LUZP1: variants seen among roughly 807,000 people sequenced by gnomAD.
LUZP1 encodes filamin mechanobinding actin cross-linking protein.
LUZP1 carries 25 observed loss-of-function variants against 71.3 expected under a neutral mutation model. The ratio of observed to expected loss-of-function variants is 0.35; its 90% CI spans 0.26 to 0.49. The LOEUF is 0.49. LUZP1 is among the 20% of genes least tolerant of loss of function. LUZP1 has a pLI of 0.99. For missense variants in LUZP1, 1,142 were observed against 1,300.8 expected (o/e 0.88, Z 1.88); for synonymous variants, 481 against 506.4 (o/e 0.95, Z 0.67).
intron 2 of LUZP1, among the ~76,000 whole-genome samples, chr1:23,126,376 GGGA>G (rs1644171931): frequency 1.3e-5 from 2 of 152,138 alleles, no homozygotes; most frequent in South Asian, 4.1e-4. Context: ...CCAGTACATT[GGGA>G]GGATAAGGCA....
rs561424035 is a variant in LUZP1 at position 23,163,390 on chromosome 1, A to T, written c.-226+5376T>A. ...AGCAAAACCCTATCTCTACAAAAAA[A>T]AAAAAAATGTTTCTTAATTAGCTGG... On this transcript the variant is annotated intron_variant, in intron 2 of 4. Transcript: ENST00000302291. Among the ~76,000 whole-genome samples, 3 of 151,840 alleles carry T rather than the reference A, an allele frequency of 2.0e-5. No individual in the cohort carries two copies. The South Asian group carries it at 6.3e-4, about 32-fold the overall frequency.
chr1:23,092,556 G>A, exon 4 of LUZP1: 1 of 1,614,212 alleles, frequency 6.2e-7, no homozygotes, highest in Non-Finnish European at 8.5e-7. Flanking sequence ...TCTTCGAGAT[G>A]AGGCCAGGGC....
intron 1 of LUZP1, among the ~76,000 whole-genome samples, chr1:23,170,822 T>C (rs856511): frequency 0.19 from 29,334 of 151,968 alleles, 3,108 homozygotes; most frequent in Middle Eastern, 0.31. Flanking sequence ...TGCTCATGCC[T>C]GCAATCCCAC....
chr1:23,164,570 G>C (rs1012392109), intron 2 of LUZP1, among the ~76,000 whole-genome samples: 3 of 152,004 alleles, frequency 2.0e-5, no homozygotes, highest in Non-Finnish European at 4.4e-5. Flanking sequence ...GGTAGAAATG[G>C]GGCTTCTTCT....
chr1:23,113,422 A>C (rs1270070543), intron 2 of LUZP1, among the ~76,000 whole-genome samples: 2 of 152,090 alleles, frequency 1.3e-5, no homozygotes, highest in Non-Finnish European at 2.9e-5. Flanking sequence ...AAAACAAAAC[A>C]AAAACAAACA....
intron 2 of LUZP1, among the ~76,000 whole-genome samples, chr1:23,142,997 C>A (rs980842523): frequency 6.6e-6 from 1 of 151,796 alleles, no homozygotes; most frequent in African/African-American, 2.4e-5. Flanking sequence ...GGTAAGACTT[C>A]GTCTCTATTT....
chr1:23,155,944 T>C (rs1159103393), intron 2 of LUZP1, among the ~76,000 whole-genome samples: 1 of 152,196 alleles, frequency 6.6e-6, no homozygotes, highest in Non-Finnish European at 1.5e-5. Context: ...AAAATTAACT[T>C]TATCTCAACA....
chr1:23,083,647 GT>G (rs1178609386), downstream of LUZP1: 27 of 200,584 alleles, frequency 1.3e-4, no homozygotes, highest in East Asian at 4.2e-4. Flanking sequence ...TGGGGTTTTT[GT>G]TTTTTTTTTA....
chr1:23,163,178 T>C (rs1015338595), intron 2 of LUZP1, among the ~76,000 whole-genome samples: 2 of 132,790 alleles, frequency 1.5e-5, no homozygotes, highest in Admixed American at 8.1e-5. Context: ...AGGTGGAAGT[T>C]GCAATGAGCC....
At chr1:23,084,535 A>C (rs917529703) in exon 5 of LUZP1, 3 of 152,156 alleles carry the variant, frequency 2.0e-5, no homozygotes, top group Non-Finnish European at 4.4e-5. Context: ...CTTTTGCCAT[A>C]TAAGATGATA....
chr1:23,165,833 C>CTG (rs1233639322), intron 2 of LUZP1, among the ~76,000 whole-genome samples: 1 of 152,004 alleles, frequency 6.6e-6, no homozygotes, highest in Non-Finnish European at 1.5e-5. Context: ...AAAAATGATT[C>CTG]TGTTTCTGAT....
intron 1 of LUZP1, among the ~76,000 whole-genome samples, chr1:23,175,013 T>C (rs946499634): frequency 6.6e-6 from 1 of 152,182 alleles, no homozygotes; most frequent in African/African-American, 2.4e-5. Context: ...CTGGGTACTT[T>C]ACATATACTA....
At chr1:23,159,980 C>G (rs1424056006) in intron 2 of LUZP1, among the ~76,000 whole-genome samples, 3 of 152,138 alleles carry the variant, frequency 2.0e-5, no homozygotes, top group African/African-American at 7.2e-5. Context: ...GGGTAAAATT[C>G]CGTCTCAAAA....
At chr1:23,159,586 G>A (rs1221533350) in intron 2 of LUZP1, among the ~76,000 whole-genome samples, 4 of 152,198 alleles carry the variant, frequency 2.6e-5, no homozygotes, top group African/African-American at 9.6e-5. Flanking sequence ...TTATGAGCTT[G>A]AAACATGATA....
Position 23,117,476 on chromosome 1 carries a change from TC to T in LUZP1, c.-225-8350del, listed in dbSNP as rs370868213. The stretch of plus-strand genomic sequence containing the variant: ...TTTCCTCTCTCTCTCTCTCTCTCTC[TC>T]CCCCCCCCCCCCCCACAATCAGGAA... On this transcript the variant is annotated intron_variant, in intron 2 of 4. Transcript: ENST00000302291. Among the ~76,000 whole-genome samples, 277 of 39,666 alleles carry T rather than the reference TC, an allele frequency of 7.0e-3. 2 individuals are homozygous for T. Among genetic ancestry groups the T allele is most frequent in the Middle Eastern group, 0.029 (1 of 34 alleles). 26.0% of individuals were successfully genotyped at this position (39,666 alleles called of 152,430 possible).
chr1:23,132,467 T>C (rs1644222528), intron 2 of LUZP1, among the ~76,000 whole-genome samples: 1 of 151,384 alleles, frequency 6.6e-6, no homozygotes, highest in South Asian at 2.1e-4. Context: ...ATTCTTAATA[T>C]GCGTCTCTTA....
At chr1:23,111,487 G>A (rs1230253037) in intron 2 of LUZP1, among the ~76,000 whole-genome samples, 2 of 152,094 alleles carry the variant, frequency 1.3e-5, no homozygotes, top group Non-Finnish European at 2.9e-5. Flanking sequence ...CTGGAGCCCA[G>A]AAGTTTGAGG....
In LUZP1 at chr1:23,094,682, G is replaced by A. The variant is rs1643883573; in HGVS notation, c.-119-302C>T. ...ATAACATCATTACCATCTGCAACCT[G>A]CATAATCTCAGGAGAGTCATTAACA... On this transcript the variant is annotated intron_variant, in intron 3 of 4. Transcript: ENST00000302291. This position sits in a 1 kb window ranked among gnomAD's most constrained non-coding sequence, Gnocchi z 4.7. 6.6e-6 allele frequency among the ~76,000 whole-genome samples: 1 copy of A among 152,102 alleles called. No homozygotes were observed. Among genetic ancestry groups the A allele is most frequent in the African/African-American group, 2.4e-5 (1 of 41,416 alleles).
intron 2 of LUZP1, among the ~76,000 whole-genome samples, chr1:23,113,852 C>G (rs1397215272): frequency 6.6e-6 from 1 of 150,990 alleles, no homozygotes; most frequent in South Asian, 2.1e-4. Flanking sequence ...TGCACTCCAG[C>G]CTGGCGACAG....
Sources: allele counts gnomAD v4.1 joint callset (sites outside exome capture counted in the v4.1 genomes callset), GRCh38; gene constraint gnomAD v4.1.1; non-coding constraint Gnocchi (gnomAD v3.1); transcripts MANE v1.5; gene names NCBI Gene and HGNC (gene_info 2026-07-23, HGNC 2026-07-21).